NPR3: variants seen among roughly 807,000 people sequenced by gnomAD.
NPR3 encodes atrial natriuretic peptide receptor 3.
In NPR3, 34 loss-of-function variants were observed where a neutral mutation model predicts 54.5. The ratio of observed to expected loss-of-function variants is 0.62; its 90% CI spans 0.47 to 0.83. The LOEUF (loss-of-function observed/expected upper bound fraction) is 0.83, where lower values mean the gene tolerates loss of function less well. Ranked by LOEUF, NPR3 falls within the 40% of genes least tolerant of loss-of-function variation. The pLI, the probability that NPR3 is intolerant of heterozygous loss-of-function variation, is 0.00. For synonymous variants in NPR3, 289 were observed against 297.1 expected, an observed-to-expected ratio of 0.97 and a Z score of 0.28; for missense variants, 674 against 720.8, an observed-to-expected ratio of 0.94 and a Z score of 0.74.
intron 2 of NPR3, among the ~76,000 whole-genome samples, chr5:32,727,032 T>A (rs1342381061): frequency 6.6e-6 from 1 of 152,244 alleles, no homozygotes; most frequent in African/African-American, 2.4e-5. Flanking sequence ...CATACGCACA[T>A]ACACTTTCTC....
At chr5:32,703,099 G>T (rs1043045638) in intron 1 of NPR3, among the ~76,000 whole-genome samples, 4 of 152,062 alleles carry the variant, frequency 2.6e-5, no homozygotes, top group Middle Eastern at 3.2e-3. Flanking sequence ...TCTCCATATG[G>T]TCATCACCAC....
rs1579613770 is a variant in NPR3, at chr5:32,727,509, C to G, written c.892+2689C>G. 1.3e-5 allele frequency among the ~76,000 whole-genome samples: 2 copies of G among 152,196 alleles called. 1 individual carries two copies. The highest frequency in any genetic ancestry group is 4.1e-4 in the South Asian group (2 of 4,836). ...ATTATCTGTTTTCCTGTAGCCTTGT[C>G]AAGCCTGTATAATCTTTTACCTTAT... is the stretch of plus-strand genomic sequence containing the variant. On this transcript the variant is annotated intron_variant, in intron 2 of 7. Transcript: ENST00000265074.
intron 2 of NPR3, among the ~76,000 whole-genome samples, 182 bp downstream of exon 2, chr5:32,725,002 C>T (rs975026596): frequency 3.3e-5 from 5 of 152,132 alleles, no homozygotes; most frequent in Admixed American, 6.5e-5. Flanking sequence ...AGGCCATGAT[C>T]CAAACAAATT....
At chr5:32,727,170 A>G (rs754120171) in intron 2 of NPR3, among the ~76,000 whole-genome samples, 2 of 152,198 alleles carry the variant, frequency 1.3e-5, no homozygotes, top group Admixed American at 1.3e-4. Flanking sequence ...CCTGTTGCCC[A>G]GGCTGGAGTA....
intron 1 of NPR3, chr5:32,716,315 C>A: frequency 4.8e-6 from 2 of 418,156 alleles, no homozygotes; most frequent in South Asian, 3.6e-5. Context: ...ACTCTCAATT[C>A]TTGTTAGCTC....
At chr5:32,731,084 C>A (rs913423835) in intron 2 of NPR3, among the ~76,000 whole-genome samples, 1 of 152,122 alleles carries the variant, frequency 6.6e-6, no homozygotes, top group African/African-American at 2.4e-5. Context: ...ATACTGCAGG[C>A]GTGATGTTGT....
At chr5:32,696,074 G>C (rs377420356) in intron 1 of NPR3, among the ~76,000 whole-genome samples, 1 of 152,136 alleles carries the variant, frequency 6.6e-6, no homozygotes, top group East Asian at 1.9e-4. Context: ...TGCTTGTGGG[G>C]TATTACTCAA....
intron 5 of NPR3, 141 bp from the exon 6 acceptor site, chr5:32,782,751 TG>T: frequency 1.3e-6 from 1 of 769,080 alleles, no homozygotes; most frequent in Non-Finnish European, 2.1e-6. Context: ...GTCCTTGCCC[TG>T]GAGACGGTGA....
At chr5:32,775,467 G>A (rs1741996599) in intron 4 of NPR3, among the ~76,000 whole-genome samples, 1 of 152,104 alleles carries the variant, frequency 6.6e-6, no homozygotes, top group Non-Finnish European at 1.5e-5. Context: ...GCTAATTTTT[G>A]TATTGTTTAG....
chr5:32,742,631 G>A (rs181182141), intron 3 of NPR3, among the ~76,000 whole-genome samples: 2 of 152,254 alleles, frequency 1.3e-5, no homozygotes, highest in East Asian at 1.9e-4. Context: ...GTGATAGTGG[G>A]CATCTTAACT....
At chr5:32,741,410 C>A (rs1301126342) in intron 3 of NPR3, among the ~76,000 whole-genome samples, 2 of 152,168 alleles carry the variant, frequency 1.3e-5, no homozygotes, top group Admixed American at 1.3e-4. Flanking sequence ...CAGAGTAAGA[C>A]CCTGTCTCAA....
chr5:32,734,836 CTG>C (rs1382820479), intron 2 of NPR3, among the ~76,000 whole-genome samples: 1 of 152,108 alleles, frequency 6.6e-6, no homozygotes, highest in African/African-American at 2.4e-5. Context: ...AGTGGCTCCT[CTG>C]TGAGACAGCA....
intron 3 of NPR3, among the ~76,000 whole-genome samples, chr5:32,757,324 C>T (rs1342052617): frequency 6.6e-6 from 1 of 152,158 alleles, no homozygotes; most frequent in Non-Finnish European, 1.5e-5. Context: ...CTTCACATCC[C>T]TTGTAAGTTG....
chr5:32,749,657 G>T (rs759240482), intron 3 of NPR3, among the ~76,000 whole-genome samples: 1 of 152,092 alleles, frequency 6.6e-6, no homozygotes, highest in African/African-American at 2.4e-5. Context: ...GGGTCATAAG[G>T]CTGCCCTATA....
intron 1 of NPR3, among the ~76,000 whole-genome samples, chr5:32,720,750 G>A (rs975396436): frequency 2.6e-5 from 4 of 152,054 alleles, no homozygotes; most frequent in South Asian, 2.1e-4. Context: ...TATGCAGGTC[G>A]CAGGATTAGC....
At position 32,787,615 on chromosome 5, in the gene NPR3, A is replaced by T. The variant is rs1742706375; in HGVS notation, c.*1270A>T. ...CTAAATATCTACTCTATTCCCTTTC[A>T]GTTAACTCCACAGAACTTTGTAGGC... is the stretch of plus-strand genomic sequence containing the variant. On this transcript the variant is annotated 3_prime_UTR_variant, in exon 8 of 8. Coordinates refer to ENST00000265074, the MANE Select transcript of NPR3 (RefSeq NM_001204375.2). The T allele has an allele frequency of 6.6e-6, 1 of 152,220 alleles. No individual in the cohort carries two copies. The highest frequency in any genetic ancestry group is 2.4e-5 in the African/African-American group (1 of 41,464). The allele number at this position is 152,220 out of a possible 1,614,324, so 9.4% of individuals were successfully genotyped here.
chr5:32,706,189 C>T (rs1737979191), upstream of NPR3, among the ~76,000 whole-genome samples: 1 of 152,260 alleles, frequency 6.6e-6, no homozygotes, highest in South Asian at 2.1e-4. Flanking sequence ...GTGCCTGCTC[C>T]CCCTTCGCCT....
rs1741910526 is a variant in NPR3, at chr5:32,774,079, G to A, written c.1060-629G>A. Among the ~76,000 whole-genome samples the A allele has an allele frequency of 2.0e-5, 3 of 152,184 alleles. No individual in the cohort carries two copies. In the East Asian group the frequency reaches 5.8e-4, roughly 29 times the overall value. On this transcript the variant is annotated intron_variant, in intron 3 of 7. Coordinates refer to ENST00000265074, the MANE Select transcript of NPR3 (RefSeq NM_001204375.2). ...ATTCCTGTCATTGGAGCTTGGCAGG[G>A]AGTAGGGATAGGGAGTGGTTAGATG...
At chr5:32,695,002 C>T (rs891694818) in intron 1 of NPR3, among the ~76,000 whole-genome samples, 1 of 152,168 alleles carries the variant, frequency 6.6e-6, no homozygotes, top group African/African-American at 2.4e-5. Flanking sequence ...ATAATGGCTT[C>T]CAGTTCCATC....
Sources: gnomAD v4.1 joint callset for allele counts (sites outside exome capture counted in the v4.1 genomes callset) on GRCh38, gnomAD v4.1.1 for gene constraint, MANE v1.5 for transcripts, NCBI Gene and HGNC (gene_info 2026-07-23, HGNC 2026-07-21) for gene names.